CPXM2: variants seen among roughly 807,000 people sequenced by gnomAD.
CPXM2 encodes inactive carboxypeptidase-like protein X2.
A neutral mutation model predicts 86.1 loss-of-function variants in CPXM2; 66 were observed. That is an observed-to-expected ratio of 0.77 (90% CI 0.63 to 0.94). The LOEUF (loss-of-function observed/expected upper bound fraction) is 0.94, where lower values mean the gene tolerates loss of function less well. CPXM2 is among the 40% of genes least tolerant of loss of function. The probability of loss-of-function intolerance (pLI) is 0.00; values close to 1 mark genes in which losing one functional copy is unlikely to be tolerated. For missense variants in CPXM2, 948 were observed against 1,026.3 expected (o/e 0.92, Z 1.04); for synonymous variants, 388 against 400.2 (o/e 0.97, Z 0.36).
upstream of CPXM2, among the ~76,000 whole-genome samples, chr10:123,892,441 C>T (rs777434913): frequency 1.3e-5 from 2 of 152,194 alleles, no homozygotes; most frequent in Non-Finnish European, 2.9e-5. Flanking sequence ...CAAGAGCAGG[C>T]TCTTGCCCAG....
In CPXM2 at chr10:123,746,995, G is replaced by A; in HGVS notation, c.2040C>T (p.Arg680=). The A allele has an allele frequency of 6.2e-7, 1 of 1,614,036 alleles. No individual in the cohort carries two copies. Among genetic ancestry groups the A allele is most frequent in the African/African-American group, 1.3e-5 (1 of 75,030 alleles). The change falls in exon 14 of 14, where the codon CGC becomes CGT. Residue 680 remains arginine, a synonymous_variant. Transcript: ENST00000241305. ...CCACATACTCTCCAGGGTTCAGGAG[G>A]CGCCAGTAATCCCCATCGTTGGCTG... The part of the protein sequence containing the change: ...IRTANDGDYW[R]LLNPGEYVVT...
At chr10:123,827,220 C>G (rs1187441673) in intron 4 of CPXM2, among the ~76,000 whole-genome samples, 1 of 152,132 alleles carries the variant, frequency 6.6e-6, no homozygotes, top group Non-Finnish European at 1.5e-5. Context: ...CCAAAAACCT[C>G]CCCCAGGGGA....
At chr10:123,879,713 T>C (rs1159303507) in intron 2 of CPXM2, among the ~76,000 whole-genome samples, 3 of 152,164 alleles carry the variant, frequency 2.0e-5, no homozygotes, top group African/African-American at 7.2e-5. Flanking sequence ...AGTCTCAAAA[T>C]AATACCTTTG....
intron 6 of CPXM2, among the ~76,000 whole-genome samples, chr10:123,787,156 T>C (rs1379490364): frequency 6.6e-6 from 1 of 152,138 alleles, no homozygotes; most frequent in African/African-American, 2.4e-5. Context: ...CTACAGCCAG[T>C]TCCCCATGCA....
intron 6 of CPXM2, among the ~76,000 whole-genome samples, chr10:123,788,282 A>C (rs1372770866): frequency 2.4e-4 from 3 of 12,366 alleles, no homozygotes; most frequent in Non-Finnish European, 5.8e-4. Context: ...CCCATCTCAA[A>C]AAAAAAAAAA....
upstream of CPXM2, among the ~76,000 whole-genome samples, chr10:123,893,227 G>T (rs571415787): frequency 6.6e-6 from 1 of 152,198 alleles, no homozygotes; most frequent in Non-Finnish European, 1.5e-5. Flanking sequence ...GCATTGGCCT[G>T]TCACCTTCCC....
rs1590107082 is a variant in CPXM2 at position 123,891,596 on chromosome 10, C to A, written c.64G>T (p.Gly22Trp). The A allele has an allele frequency of 6.6e-7, 1 of 1,524,876 alleles. No homozygotes were observed. The highest frequency in any genetic ancestry group is 8.8e-7 in the Non-Finnish European group (1 of 1,135,122). The allele number at this position is 1,524,876 out of a possible 1,614,324, so 94.5% of individuals were successfully genotyped here. A position where few individuals can be genotyped will look rare whatever the true frequency, so the allele number is the denominator to read the frequency against. Residue 22 changes from glycine to tryptophan, a missense_variant, in exon 1 of 14, where the codon GGG becomes TGG. Coordinates refer to ENST00000241305, the MANE Select transcript of CPXM2 (RefSeq NM_198148.3). The surrounding 1 kb of genome is among the most constrained non-coding windows in gnomAD (Gnocchi z 5.6). Reference sequence around the variant, plus strand: ...AGGGCTGCGCCCTGGGCTCCGACCCCGGCCAGGGTCACTGCCAGGAGCACC... The same window carrying A: ...AGGGCTGCGCCCTGGGCTCCGACCCAGGCCAGGGTCACTGCCAGGAGCACC... ...ALVLLAVTLA[G>W]VGAQGAALED...
rs115386498 is a variant in CPXM2 at position 123,838,278 on chromosome 10, T to C, written c.653+4071A>G. On this transcript the variant is annotated intron_variant, in intron 4 of 13. Transcript: ENST00000241305. ...GGAGTTCAAGACCACCTGGCCAACA[T>C]GGTGAAACCCTGTGTCGACTAAAAA... Among the ~76,000 whole-genome samples the C allele has an allele frequency of 2.4e-3, 364 of 152,184 alleles. 1 individual carries two copies. The highest frequency in any genetic ancestry group is 8.2e-3 in the African/African-American group (342 of 41,532).
chr10:123,824,690 T>G (rs987556659), intron 4 of CPXM2, among the ~76,000 whole-genome samples: 1 of 152,298 alleles, frequency 6.6e-6, no homozygotes, highest in Non-Finnish European at 1.5e-5. Context: ...CTCTGCCACA[T>G]CCTAACTATG....
intron 6 of CPXM2, 51 bp from the exon 7 acceptor site, chr10:123,780,306 T>C (rs1427698469): frequency 5.4e-6 from 6 of 1,116,772 alleles, no homozygotes; most frequent in Non-Finnish European, 8.2e-6. Context: ...CTATCTCCCA[T>C]GGCACCTCTG....
rs776637521 is a variant in CPXM2, at chr10:123,880,332, C to T, written c.305-23G>A. On this transcript the variant is annotated intron_variant, in intron 1 of 13. Transcript: ENST00000241305. ...TACCTAAAGGGGGAGAGAGAGATGC[C>T]TTTACTTTCACATACATCAGAGCTG... is the stretch of plus-strand genomic sequence containing the variant. 8.6e-6 allele frequency: 9 copies of T among 1,044,374 alleles called. No homozygotes were observed. In the East Asian group the frequency reaches 2.1e-4, roughly 25 times the overall value. 64.7% of individuals were successfully genotyped at this position (1,044,374 alleles called of 1,614,324 possible).
chr10:123,852,425 C>A (rs1034455426), intron 3 of CPXM2, among the ~76,000 whole-genome samples: 1 of 152,214 alleles, frequency 6.6e-6, no homozygotes, highest in East Asian at 1.9e-4. Flanking sequence ...CCCTCCATCA[C>A]GCCTATCTTG....
chr10:123,904,900 G>A (rs1253001274), intron 2 of CPXM2, among the ~76,000 whole-genome samples: 1 of 116,476 alleles, frequency 8.6e-6, no homozygotes, highest in Non-Finnish European at 1.7e-5. Context: ...TGGAGGGCCC[G>A]AGCTCTGCAT....
At chr10:123,801,399 C>T (rs1337504026) in intron 4 of CPXM2, among the ~76,000 whole-genome samples, 1 of 152,156 alleles carries the variant, frequency 6.6e-6, no homozygotes, top group Non-Finnish European at 1.5e-5. Context: ...TTATAAGTTA[C>T]CTAGTCTCGG....
chr10:123,761,074 A>C (rs1846324251), intron 11 of CPXM2, among the ~76,000 whole-genome samples: 1 of 152,186 alleles, frequency 6.6e-6, no homozygotes, highest in Non-Finnish European at 1.5e-5. Context: ...CAGCCCTGAG[A>C]CAGGAAACAA....
intron 13 of CPXM2, chr10:123,751,594 C>T (rs1846078139): frequency 1.0e-6 from 1 of 985,214 alleles, no homozygotes; most frequent in South Asian, 4.7e-5. Flanking sequence ...GAACGGTGAG[C>T]CGGGTGTCTG....
intron 4 of CPXM2, among the ~76,000 whole-genome samples, chr10:123,803,724 C>T (rs1421828874): frequency 3.3e-5 from 5 of 152,130 alleles, no homozygotes; most frequent in Admixed American, 1.3e-4. Context: ...TGCAGTGATG[C>T]GATCTCGGCT....
At chr10:123,878,543 G>GTC (rs1315427488) in intron 2 of CPXM2, among the ~76,000 whole-genome samples, 3 of 148,668 alleles carry the variant, frequency 2.0e-5, no homozygotes, top group Non-Finnish European at 1.5e-5. Context: ...GTGTGTGTGT[G>GTC]TGTAATTGAG....
In CPXM2 at chr10:123,767,122, G is replaced by A. The variant is rs200985867; in HGVS notation, c.1330C>T (p.Arg444Cys). The change falls in exon 10 of 14, where the codon CGC becomes TGC. Residue 444 changes from arginine (R) to cysteine (C), a missense_variant. Transcript: ENST00000241305. ...GSELGGWSLGRWTHDGIDINN... is the reference protein window; with the variant it reads ...GSELGGWSLGCWTHDGIDINN... ...ATGTCAATTCCATCGTGGGTCCAGC[G>A]TCCCAGGGACCAGCCTCCCAGCTCC... The A allele has an allele frequency of 9.9e-6, 16 of 1,613,994 alleles. No homozygotes were observed. The highest frequency in any genetic ancestry group is 6.7e-5 in the East Asian group (3 of 44,884).
Sources: gnomAD v4.1 joint callset for allele counts (sites outside exome capture counted in the v4.1 genomes callset) on GRCh38, gnomAD v4.1.1 for gene constraint, Gnocchi (gnomAD v3.1) non-coding constraint, MANE v1.5 for transcripts, NCBI Gene and HGNC (gene_info 2026-07-23, HGNC 2026-07-21) for gene names.